SPATA16: variants seen among roughly 807,000 people sequenced by gnomAD.
The protein encoded by SPATA16 is spermatogenesis associated 16.
In SPATA16, 36 loss-of-function variants were observed where a neutral mutation model predicts 63.3. The observed-to-expected ratio is 0.57, with a 90% CI of 0.44 to 0.75. The LOEUF is 0.75. Among genes scored for constraint, SPATA16 ranks in the 30% least tolerant of loss-of-function variants. SPATA16 has a pLI of 0.00. For synonymous variants in SPATA16, 203 were observed against 216.7 expected, an observed-to-expected ratio of 0.94 and a Z score of 0.56; for missense variants, 646 against 679.3, an observed-to-expected ratio of 0.95 and a Z score of 0.54.
At chr3:172,926,014 C>T (rs540462441) in intron 6 of SPATA16, among the ~76,000 whole-genome samples, 11 of 152,022 alleles carry the variant, frequency 7.2e-5, no homozygotes, top group South Asian at 4.2e-4. Flanking sequence ...TTAGTAGAGA[C>T]GGGATTTCAC....
At chr3:172,991,472 C>G (rs1734576179) in intron 4 of SPATA16, among the ~76,000 whole-genome samples, 1 of 152,088 alleles carries the variant, frequency 6.6e-6, no homozygotes, top group Admixed American at 6.6e-5. Flanking sequence ...TATACATGCA[C>G]ACCTTTTTTC....
At chr3:172,965,370 TC>T (rs1171039730) in intron 5 of SPATA16, among the ~76,000 whole-genome samples, 1 of 152,166 alleles carries the variant, frequency 6.6e-6, no homozygotes, top group Non-Finnish European at 1.5e-5. Context: ...GCACAGAGCT[TC>T]AGAGGGCAGA....
At chr3:173,118,481 T>C (rs1737969145) in intron 1 of SPATA16, among the ~76,000 whole-genome samples, 1 of 152,188 alleles carries the variant, frequency 6.6e-6, no homozygotes, top group East Asian at 1.9e-4. Context: ...TATGTAACAG[T>C]CTTTTGATTC....
intron 10 of SPATA16, among the ~76,000 whole-genome samples, chr3:172,895,674 T>G (rs1460338783): frequency 6.6e-6 from 1 of 152,150 alleles, no homozygotes; most frequent in Non-Finnish European, 1.5e-5. Context: ...TGCAAGAAGT[T>G]TATCTAAATG....
chr3:172,998,531 T>A (rs1179327233), intron 4 of SPATA16, among the ~76,000 whole-genome samples: 1 of 152,194 alleles, frequency 6.6e-6, no homozygotes, highest in African/African-American at 2.4e-5. Flanking sequence ...TGCCTTTTAT[T>A]TCCATTTCTT....
chr3:172,939,973 C>T (rs1733107632), intron 6 of SPATA16, among the ~76,000 whole-genome samples: 4 of 152,092 alleles, frequency 2.6e-5, no homozygotes, highest in Admixed American at 2.6e-4. Flanking sequence ...ACAAGGATGC[C>T]TATATAATGA....
intron 2 of SPATA16, among the ~76,000 whole-genome samples, chr3:173,068,658 G>A (rs754878884): frequency 5.3e-5 from 8 of 152,010 alleles, no homozygotes; most frequent in Non-Finnish European, 8.8e-5. Context: ...TGGAAACACA[G>A]CTTACTAAAA....
At chr3:173,056,114 T>C (rs574060176) in intron 2 of SPATA16, among the ~76,000 whole-genome samples, 2 of 152,162 alleles carry the variant, frequency 1.3e-5, no homozygotes, top group African/African-American at 2.4e-5. Context: ...TAATGAGGTT[T>C]GTTTTGAAGT....
At chr3:173,061,866 GGACTTAAA>G (rs1736388025) in intron 2 of SPATA16, among the ~76,000 whole-genome samples, 2 of 152,082 alleles carry the variant, frequency 1.3e-5, no homozygotes, top group African/African-American at 4.8e-5. Flanking sequence ...ATACATCAGT[GGACTTAAA>G]AGTACTATCA....
chr3:172,943,488 A>G (rs1354499532), intron 6 of SPATA16, among the ~76,000 whole-genome samples: 1 of 152,156 alleles, frequency 6.6e-6, no homozygotes, highest in Non-Finnish European at 1.5e-5. Flanking sequence ...ATGATACCAA[A>G]CCACAAGCTG....
rs1229660652 is a variant in SPATA16 at position 173,061,780 on chromosome 3, A to C, written c.613-12686T>G. Among the ~76,000 whole-genome samples, 11 of 152,318 alleles carry C rather than the reference A, an allele frequency of 7.2e-5. No individual in the cohort carries two copies. The South Asian group carries it at 1.9e-3, about 26-fold the overall frequency. On this transcript the variant is annotated intron_variant, in intron 2 of 10. Coordinates refer to ENST00000351008, the MANE Select transcript of SPATA16 (RefSeq NM_031955.6). Reference sequence around the variant, plus strand: ...CATCACTTGTAACTTTCTACATGGTACCTCATAGATCTACTAAAGTGTCTC... The same window carrying C: ...CATCACTTGTAACTTTCTACATGGTCCCTCATAGATCTACTAAAGTGTCTC...
chr3:172,907,792 G>T (rs527687718), intron 10 of SPATA16, among the ~76,000 whole-genome samples: 48 of 152,106 alleles, frequency 3.2e-4, no homozygotes, highest in Non-Finnish European at 5.7e-4. Flanking sequence ...TAGCCAGGCT[G>T]GTCTCAAACT....
At chr3:172,979,346 C>T (rs1040535860) in intron 4 of SPATA16, among the ~76,000 whole-genome samples, 8 of 152,156 alleles carry the variant, frequency 5.3e-5, no homozygotes, top group African/African-American at 1.9e-4. Context: ...ACATAACATG[C>T]ACTAATATTA....
intron 4 of SPATA16, among the ~76,000 whole-genome samples, chr3:172,984,761 C>G (rs1449489066): frequency 6.6e-6 from 1 of 152,122 alleles, no homozygotes; most frequent in African/African-American, 2.4e-5. Flanking sequence ...GGTTTACTGC[C>G]TTCCTGCTAG....
At chr3:173,061,931 C>T (rs1196876959) in intron 2 of SPATA16, among the ~76,000 whole-genome samples, 1 of 152,024 alleles carries the variant, frequency 6.6e-6, no homozygotes, top group African/African-American at 2.4e-5. Context: ...ATGATGTGAT[C>T]TCTATTAAAT....
At chr3:173,082,007 A>T (rs751367102) in intron 2 of SPATA16, among the ~76,000 whole-genome samples, 3 of 152,208 alleles carry the variant, frequency 2.0e-5, no homozygotes, top group Non-Finnish European at 4.4e-5. Flanking sequence ...TCTTTAGACT[A>T]TAAATGTAGA....
intron 4 of SPATA16, among the ~76,000 whole-genome samples, chr3:172,984,514 TTGG>T (rs1577118774): frequency 6.6e-6 from 1 of 152,194 alleles, no homozygotes; most frequent in Non-Finnish European, 1.5e-5. Flanking sequence ...GTTTCAGTAG[TTGG>T]TGGTCACTGA....
At chr3:172,993,464 G>A (rs375657808) in intron 4 of SPATA16, among the ~76,000 whole-genome samples, 11 of 152,066 alleles carry the variant, frequency 7.2e-5, no homozygotes, top group African/African-American at 2.4e-4. Context: ...TTAATTGAGG[G>A]CCAAGGAAGA....
intron 4 of SPATA16, among the ~76,000 whole-genome samples, chr3:172,988,751 C>T (rs184671718): frequency 2.6e-5 from 4 of 152,334 alleles, no homozygotes; most frequent in Admixed American, 2.6e-4. Flanking sequence ...ATTCTCCTGC[C>T]TCAGCCTCCC....
Sources: allele counts gnomAD v4.1 joint callset (sites outside exome capture counted in the v4.1 genomes callset), GRCh38; gene constraint gnomAD v4.1.1; transcripts MANE v1.5; gene names NCBI Gene and HGNC (gene_info 2026-07-23, HGNC 2026-07-21).